FER: variants seen among roughly 807,000 people sequenced by gnomAD.
The protein encoded by FER is FER tyrosine kinase.
A neutral mutation model predicts 111.0 loss-of-function variants in FER; 63 were observed. The ratio of observed to expected loss-of-function variants is 0.57; its 90% CI spans 0.46 to 0.70. The LOEUF is 0.70. FER is among the 30% of genes least tolerant of loss of function. The pLI, the probability that FER is intolerant of heterozygous loss-of-function variation, is 0.00. For synonymous variants in FER, 327 were observed against 313.9 expected (o/e 1.04, Z -0.44); for missense variants, 914 against 954.0 (o/e 0.96, Z 0.55).
chr5:109,011,299 A>G lies in FER; in HGVS notation c.1657-26123A>G, dbSNP rs566392249. Among the ~76,000 whole-genome samples, 12 of 152,326 alleles carry G rather than the reference A, an allele frequency of 7.9e-5. 1 individual carries two copies. In the South Asian group the frequency reaches 2.5e-3, roughly 32 times the overall value. On this transcript the variant is annotated intron_variant, in intron 13 of 19. Coordinates refer to ENST00000281092, the MANE Select transcript of FER (RefSeq NM_005246.4). ...AAAAATCAGCATCTCTAAAAATTAG[A>G]GATGGATACAGCAAAATGTATGCAC... is the stretch of plus-strand genomic sequence containing the variant.
chr5:108,855,360 CG>C (rs1320696771), intron 5 of FER, among the ~76,000 whole-genome samples: 1 of 151,858 alleles, frequency 6.6e-6, no homozygotes, highest in East Asian at 1.9e-4. Flanking sequence ...CGGCCGGGCG[CG>C]GTGGCTCACG....
chr5:109,146,808 G>C (rs1754270836), intron 17 of FER, among the ~76,000 whole-genome samples: 1 of 152,008 alleles, frequency 6.6e-6, no homozygotes, highest in Non-Finnish European at 1.5e-5. Context: ...GCATTGGCAA[G>C]ACTTGACTTT....
intron 17 of FER, among the ~76,000 whole-genome samples, chr5:109,104,904 G>A (rs997379582): frequency 2.0e-5 from 3 of 151,824 alleles, no homozygotes; most frequent in Non-Finnish European, 2.9e-5. Context: ...CACCACGCCC[G>A]GCTAATTTTT....
At chr5:109,106,790 A>G (rs1181127595) in intron 17 of FER, among the ~76,000 whole-genome samples, 1 of 152,192 alleles carries the variant, frequency 6.6e-6, no homozygotes, top group African/African-American at 2.4e-5. Flanking sequence ...CTAAAGACAC[A>G]TGTGTAATAT....
chr5:108,951,838 A>T (rs529896452), intron 11 of FER, among the ~76,000 whole-genome samples: 1 of 152,236 alleles, frequency 6.6e-6, no homozygotes, highest in East Asian at 1.9e-4. Flanking sequence ...CTTGCTACTC[A>T]AATGCTTGAG....
At chr5:108,885,513 T>TA (rs1459615813) in intron 9 of FER, among the ~76,000 whole-genome samples, 4 of 151,934 alleles carry the variant, frequency 2.6e-5, no homozygotes, top group African/African-American at 9.7e-5. Context: ...CTGGAGGCTG[T>TA]AAGTCTGAAA....
chr5:109,012,937 C>T (rs1334356072), intron 13 of FER, among the ~76,000 whole-genome samples: 1 of 152,124 alleles, frequency 6.6e-6, no homozygotes, highest in Non-Finnish European at 1.5e-5. Context: ...TAAAGATTCT[C>T]ATTGAATATT....
At chr5:108,917,691 A>G (rs891995336) in intron 10 of FER, among the ~76,000 whole-genome samples, 3 of 152,190 alleles carry the variant, frequency 2.0e-5, no homozygotes, top group Non-Finnish European at 4.4e-5. Flanking sequence ...GAGTCAAACA[A>G]ATGATTAACA....
chr5:108,804,008 C>T (rs574732160), intron 3 of FER, among the ~76,000 whole-genome samples: 1 of 152,268 alleles, frequency 6.6e-6, no homozygotes, highest in African/African-American at 2.4e-5. Flanking sequence ...TGATTTCTTT[C>T]AGCAGTGTCT....
intron 10 of FER, among the ~76,000 whole-genome samples, chr5:108,922,265 T>C (rs1455909510): frequency 6.6e-6 from 1 of 152,242 alleles, no homozygotes; most frequent in Admixed American, 6.5e-5. Flanking sequence ...ACCCGATTTC[T>C]GGTACTGTGT....
At chr5:108,888,451 T>C (rs1273120666) in intron 9 of FER, among the ~76,000 whole-genome samples, 1 of 151,926 alleles carries the variant, frequency 6.6e-6, no homozygotes, top group African/African-American at 2.4e-5. Flanking sequence ...GAACAGCTAC[T>C]TAAGAAGTAC....
At chr5:108,962,841 G>C (rs1206290622) in intron 13 of FER, among the ~76,000 whole-genome samples, 2 of 152,104 alleles carry the variant, frequency 1.3e-5, no homozygotes, top group African/African-American at 2.4e-5. Context: ...CAAGAAAACA[G>C]AACTGGTTAA....
chr5:109,011,884 T>A (rs78135469), intron 13 of FER, among the ~76,000 whole-genome samples: 2 of 152,220 alleles, frequency 1.3e-5, no homozygotes, highest in Non-Finnish European at 2.9e-5. Flanking sequence ...CTAATTCCAA[T>A]TGATCCTTTC....
chr5:109,159,367 C>T (rs1365417391), intron 17 of FER, among the ~76,000 whole-genome samples: 1 of 152,138 alleles, frequency 6.6e-6, no homozygotes, highest in Non-Finnish European at 1.5e-5. Context: ...TTTATAGCAG[C>T]ATCTCTCATT....
At position 109,179,735 on chromosome 5, in the gene FER, C is replaced by T. The variant is rs1216142401; in HGVS notation, c.2049-1012C>T. On this transcript the variant is annotated intron_variant, in intron 17 of 19. Coordinates refer to ENST00000281092, the MANE Select transcript of FER (RefSeq NM_005246.4). Reference sequence around the variant, plus strand: ...CAATGTATTATGTATTATAAGTAATCTAGAGATGATTTAAAGTATATAGGA... The same window carrying T: ...CAATGTATTATGTATTATAAGTAATTTAGAGATGATTTAAAGTATATAGGA... 1.2e-4 allele frequency among the ~76,000 whole-genome samples: 18 copies of T among 151,948 alleles called. 1 individual carries two copies. The highest frequency in any genetic ancestry group is 2.6e-4 in the Non-Finnish European group (18 of 68,002).
Position 109,187,677 on chromosome 5 carries a change from G to C in FER, c.*102G>C, listed in dbSNP as rs939928605. Reference sequence around the variant, plus strand: ...AATTTATACCACATTACCTTCGACAGTCTTCTACCATTATTTTTTATTAAC... The same window carrying C: ...AATTTATACCACATTACCTTCGACACTCTTCTACCATTATTTTTTATTAAC... On this transcript the variant is annotated 3_prime_UTR_variant, in exon 20 of 20. Coordinates refer to ENST00000281092, the MANE Select transcript of FER (RefSeq NM_005246.4). 53 of 1,335,070 alleles carry C rather than the reference G, an allele frequency of 4.0e-5. No individual in the cohort carries two copies. The highest frequency in any genetic ancestry group is 4.9e-5 in the Non-Finnish European group (48 of 971,276). The allele number at this position is 1,335,070 out of a possible 1,614,324, so 82.7% of individuals were successfully genotyped here. A position where few individuals can be genotyped will look rare whatever the true frequency, so the allele number is the denominator to read the frequency against.
rs988157650 is a variant in FER, at chr5:109,180,837, G to A, written c.2139G>A (p.Val713=). The A allele has an allele frequency of 7.7e-5, 124 of 1,613,318 alleles. No individual in the cohort carries two copies. The highest frequency in any genetic ancestry group is 9.8e-5 in the Non-Finnish European group (116 of 1,179,672). ...TGTCTCGTCAAGAGGATGGTGGAGTGTATTCATCTTCTGGCTTAAAGCAGA... is the reference window on the plus strand; with the variant it reads ...TGTCTCGTCAAGAGGATGGTGGAGTATATTCATCTTCTGGCTTAAAGCAGA... ...FGMSRQEDGG[V]YSSSGLKQIP... Residue 713 remains valine (V), a synonymous_variant, in exon 18 of 20, where the codon GTG becomes GTA. Coordinates refer to ENST00000281092, the MANE Select transcript of FER (RefSeq NM_005246.4).
At chr5:108,907,284 A>G (rs1330074215) in intron 10 of FER, among the ~76,000 whole-genome samples, 1 of 149,362 alleles carries the variant, frequency 6.7e-6, no homozygotes, top group East Asian at 2.0e-4. Flanking sequence ...CAATTAGCCA[A>G]CTTCTTTTCT....
chr5:109,151,913 T>C (rs1216154500), intron 17 of FER, among the ~76,000 whole-genome samples: 1 of 152,148 alleles, frequency 6.6e-6, no homozygotes, highest in African/African-American at 2.4e-5. Flanking sequence ...AAGATGCATC[T>C]TTATAGAGTT....
Sources: gnomAD v4.1 joint callset for allele counts (sites outside exome capture counted in the v4.1 genomes callset) on GRCh38, gnomAD v4.1.1 for gene constraint, MANE v1.5 for transcripts, NCBI Gene and HGNC (gene_info 2026-07-23, HGNC 2026-07-21) for gene names.